Variants in ACOXL observed in about 807,000 individuals in gnomAD.
ACOXL encodes the protein acyl-coenzyme A oxidase-like protein.
In ACOXL, 70 loss-of-function variants were observed where a neutral mutation model predicts 71.9. The observed-to-expected ratio is 0.97, with a 90% CI of 0.80 to 1.19. ACOXL has a LOEUF of 1.19. Among genes scored for constraint, ACOXL ranks in the 50% most tolerant of loss-of-function variants. The probability of loss-of-function intolerance (pLI) is 0.00; values close to 1 mark genes in which losing one functional copy is unlikely to be tolerated. For missense variants in ACOXL, 703 were observed against 736.3 expected (o/e 0.95, Z 0.52); for synonymous variants, 253 against 281.6 (o/e 0.90, Z 1.02).
intron 15 of ACOXL, among the ~76,000 whole-genome samples, chr2:111,044,481 G>A (rs2065925363): frequency 6.6e-6 from 1 of 152,232 alleles, no homozygotes; most frequent in South Asian, 2.1e-4. Context: ...TATTATCGAG[G>A]GCCCTGGCGC....
chr2:110,744,763 TGCCG>T (rs1418465960), intron 1 of ACOXL, among the ~76,000 whole-genome samples: 1 of 152,184 alleles, frequency 6.6e-6, no homozygotes, highest in East Asian at 1.9e-4. Flanking sequence ...TTTTTTGGTG[TGCCG>T]GCAAAAGACA....
At position 110,987,163 on chromosome 2, in the gene ACOXL, T is replaced by G; in HGVS notation, c.1115T>G (p.Leu372Arg). Residue 372 changes from leucine to arginine, a missense_variant, in exon 13 of 18, where the codon CTC becomes CGC. Coordinates refer to ENST00000439055, the MANE Select transcript of ACOXL (RefSeq NM_001142807.4). The stretch of plus-strand genomic sequence containing the variant: ...ACCAAACAGTATGAAGAAAAACCAC[T>G]CTTTGGCCTGCTCCAAAACTGGGCT... ...QYTKQYEEKP[L>R]FGLLQNWAES... The G allele has an allele frequency of 6.3e-7, 1 of 1,579,862 alleles. No individual in the cohort carries two copies. The highest frequency in any genetic ancestry group is 8.6e-7 in the Non-Finnish European group (1 of 1,159,744).
intron 9 of ACOXL, among the ~76,000 whole-genome samples, chr2:110,835,211 C>T (rs1036868257): frequency 6.6e-6 from 1 of 152,032 alleles, no homozygotes. Flanking sequence ...TTATATTTAT[C>T]TCTTCCTTTT....
chr2:110,913,238 G>A (rs77704321), intron 11 of ACOXL, among the ~76,000 whole-genome samples: 1,671 of 152,204 alleles, frequency 0.011, 16 homozygotes, highest in Middle Eastern at 0.058. Context: ...ATATCTCAGC[G>A]CTTCTACTCC....
At chr2:110,978,009 T>G (rs2062534628) in intron 12 of ACOXL, among the ~76,000 whole-genome samples, 1 of 152,136 alleles carries the variant, frequency 6.6e-6, no homozygotes, top group Admixed American at 6.5e-5. Flanking sequence ...AAAGAGCAGA[T>G]GTAGGTTTTC....
chr2:111,030,083 A>T (rs549191871), intron 14 of ACOXL, among the ~76,000 whole-genome samples: 4 of 151,534 alleles, frequency 2.6e-5, no homozygotes, highest in Admixed American at 6.6e-5. Flanking sequence ...CCTTGATTCT[A>T]TTTGGACACA....
At chr2:111,023,142 C>T (rs7604244) in intron 14 of ACOXL, among the ~76,000 whole-genome samples, 48,162 of 152,084 alleles carry the variant, frequency 0.32, 7,862 homozygotes, top group Middle Eastern at 0.34. Flanking sequence ...CCGAGACGTC[C>T]TTCTGTCTAC....
intron 16 of ACOXL, among the ~76,000 whole-genome samples, chr2:111,084,258 TACACACACACACACACACAC>T (rs61263209): frequency 2.7e-4 from 37 of 135,014 alleles, no homozygotes; most frequent in East Asian, 6.9e-4. Context: ...ATCTAAGGAA[TACACACACACACACACACAC>T]ACACACACAC....
At chr2:110,967,131 A>G (rs1164815732) in intron 12 of ACOXL, among the ~76,000 whole-genome samples, 1 of 152,232 alleles carries the variant, frequency 6.6e-6, no homozygotes, top group Non-Finnish European at 1.5e-5. Context: ...AAGTGTTTCA[A>G]AGGTGCATAA....
At chr2:110,808,056 G>A (rs1559290411) in intron 9 of ACOXL, among the ~76,000 whole-genome samples, 1 of 152,032 alleles carries the variant, frequency 6.6e-6, no homozygotes, top group Non-Finnish European at 1.5e-5. Context: ...CATCTAATTT[G>A]TGTCAGAAAT....
At chr2:110,860,580 A>G (rs1262318563) in intron 10 of ACOXL, among the ~76,000 whole-genome samples, 2 of 152,182 alleles carry the variant, frequency 1.3e-5, no homozygotes, top group African/African-American at 2.4e-5. Flanking sequence ...GCTGTCCCCA[A>G]CTTGCTTACT....
intron 16 of ACOXL, among the ~76,000 whole-genome samples, chr2:111,073,781 CTCTA>C (rs1196068797): frequency 2.6e-5 from 4 of 152,036 alleles, no homozygotes; most frequent in South Asian, 2.1e-4. Flanking sequence ...ATCATTTTGT[CTCTA>C]TCTACAGAAA....
At chr2:110,771,876 A>G (rs1274609125) in intron 2 of ACOXL, among the ~76,000 whole-genome samples, 1 of 152,222 alleles carries the variant, frequency 6.6e-6, no homozygotes, top group East Asian at 1.9e-4. Context: ...TTCTGTCTCT[A>G]AGACCCAGGT....
chr2:111,084,343 C>A (rs1264112651), intron 16 of ACOXL, among the ~76,000 whole-genome samples: 1 of 149,938 alleles, frequency 6.7e-6, no homozygotes. Flanking sequence ...GACATTTGTC[C>A]AAATATAAAC....
rs1218740817 is a variant in ACOXL, at chr2:110,921,385, T to TCC, written c.906-12103_906-12102dup. On this transcript the variant is annotated intron_variant, in intron 11 of 17. Transcript: ENST00000439055. ...CTCTCTCTCTCTGTGTCTCTATATA[T>TCC]CCACCCCCCCCCCCCTTTTTTTTTT... is the stretch of plus-strand genomic sequence containing the variant. 3.1e-3 allele frequency among the ~76,000 whole-genome samples: 356 copies of TCC among 115,806 alleles called. 1 individual carries two copies. The highest frequency in any genetic ancestry group is 4.9e-3 in the Middle Eastern group (1 of 204). The allele number at this position is 115,806 out of a possible 152,430, so 76.0% of individuals were successfully genotyped here.
intron 17 of ACOXL, among the ~76,000 whole-genome samples, chr2:111,103,175 A>T (rs186252942): frequency 1.1e-3 from 162 of 152,240 alleles, no homozygotes; most frequent in Non-Finnish European, 1.9e-3. Flanking sequence ...TGCGCCTGTA[A>T]TCCCAGTTAC....
chr2:110,748,931 G>A (rs759219341), intron 1 of ACOXL, among the ~76,000 whole-genome samples: 1 of 152,198 alleles, frequency 6.6e-6, no homozygotes, highest in African/African-American at 2.4e-5. Context: ...AGGCTGAATC[G>A]GAGGTGTTTC....
At chr2:110,985,008 G>A (rs924656098) in intron 12 of ACOXL, among the ~76,000 whole-genome samples, 2 of 152,176 alleles carry the variant, frequency 1.3e-5, no homozygotes, top group Admixed American at 1.3e-4. Flanking sequence ...AGAAAGCTGT[G>A]GGAGTGGGAA....
At chr2:110,951,512 C>T (rs962474690) in intron 12 of ACOXL, among the ~76,000 whole-genome samples, 1 of 152,138 alleles carries the variant, frequency 6.6e-6, no homozygotes, top group South Asian at 2.1e-4. Flanking sequence ...TAACAGGCAC[C>T]TGTATTTTAT....
Sources: allele counts gnomAD v4.1 joint callset (sites outside exome capture counted in the v4.1 genomes callset), GRCh38; gene constraint gnomAD v4.1.1; transcripts MANE v1.5; gene names NCBI Gene and HGNC (gene_info 2026-07-23, HGNC 2026-07-21).